KRT77: variants seen among roughly 807,000 people sequenced by gnomAD.
KRT77 encodes keratin 77, also known as keratin, type II cytoskeletal 1b.
A neutral mutation model predicts 51.5 loss-of-function variants in KRT77; 44 were observed. The observed-to-expected ratio is 0.85, with a 90% CI of 0.67 to 1.10. The LOEUF (loss-of-function observed/expected upper bound fraction) is 1.10. Ranked by LOEUF, KRT77 falls within the 50% of genes least tolerant of loss-of-function variation. KRT77 has a pLI of 0.00. For synonymous variants in KRT77, 293 were observed against 302.0 expected, an observed-to-expected ratio of 0.97 and a Z score of 0.31; for missense variants, 763 against 743.9, an observed-to-expected ratio of 1.03 and a Z score of -0.30.
At chr12:52,700,011 T>C (rs1941862375) in intron 1 of KRT77, among the ~76,000 whole-genome samples, 1 of 152,182 alleles carries the variant, frequency 6.6e-6, no homozygotes, top group Non-Finnish European at 1.5e-5. Context: ...GGTCCAAGGG[T>C]CAGCTGATCA....
intron 3 of KRT77, 83 bp downstream of exon 3, chr12:52,696,287 G>T: frequency 7.3e-7 from 1 of 1,369,832 alleles, no homozygotes; most frequent in Non-Finnish European, 1.0e-6. Context: ...CCCTGCCGTT[G>T]TCACAGAGCA....
intron 7 of KRT77, 98 bp from the exon 8 acceptor site, chr12:52,692,070 A>G: frequency 7.6e-7 from 1 of 1,318,992 alleles, no homozygotes; most frequent in Admixed American, 1.8e-5. Flanking sequence ...CCCAAGCCTT[A>G]GGGAAATGTG....
rs778477251 is a variant in KRT77 at position 52,692,420 on chromosome 12, C to T, written c.1427+1G>A. The T allele has an allele frequency of 6.2e-7, 1 of 1,613,964 alleles. No homozygotes were observed. Among genetic ancestry groups the T allele is most frequent in the African/African-American group, 1.3e-5 (1 of 75,040 alleles). On this transcript the variant is annotated splice_donor_variant, in intron 7 of 8. Transcript: ENST00000341809. LOFTEE classifies it high-confidence loss of function. ...CCCAGAAACACAGCTGCCAGACCCA[C>T]CTGCTCTCCTCGCCCTCCAGCAGCT...
intron 2 of KRT77, 146 bp downstream of exon 2, chr12:52,697,536 A>G: frequency 1.7e-6 from 1 of 604,888 alleles, no homozygotes; most frequent in Non-Finnish European, 3.0e-6. Context: ...GCCACATACA[A>G]AACAGTGCCT....
intron 3 of KRT77, 56 bp downstream of exon 3, chr12:52,696,314 C>T (rs1941794182): frequency 1.2e-5 from 19 of 1,543,920 alleles, no homozygotes; most frequent in East Asian, 2.2e-5. Context: ...AGGGATTCCT[C>T]ACTCCCCTCA....
Position 52,703,516 on chromosome 12 carries a change from G to T in KRT77, c.-82C>A. On this transcript the variant is annotated 5_prime_UTR_variant, in exon 1 of 9. Coordinates refer to ENST00000341809, the MANE Select transcript of KRT77 (RefSeq NM_175078.3). Reference sequence around the variant, plus strand: ...AGAGACCAGAGAGGAAAGGAGCTCTGACTCCTTTGAAAAGATCTGGCTCCG... The same window carrying T: ...AGAGACCAGAGAGGAAAGGAGCTCTTACTCCTTTGAAAAGATCTGGCTCCG... 8.2e-7 allele frequency: 1 copy of T among 1,217,758 alleles called. No homozygotes were observed. Among genetic ancestry groups the T allele is most frequent in the South Asian group, 1.6e-5 (1 of 62,332 alleles). The allele number at this position is 1,217,758 out of a possible 1,614,324, so 75.4% of individuals were successfully genotyped here.
Position 52,689,742 on chromosome 12 carries a change from C to G in KRT77, c.*1423G>C, listed in dbSNP as rs1218978113. On this transcript the variant is annotated 3_prime_UTR_variant, in exon 9 of 9. Coordinates refer to ENST00000341809, the MANE Select transcript of KRT77 (RefSeq NM_175078.3). ...AACAGCCTAAGAGACCCACACTGAG[C>G]CCATCCAATGCCCCAAGAGAATCAT... The G allele has an allele frequency of 6.6e-6, 1 of 152,162 alleles. No homozygotes were observed. Among genetic ancestry groups the G allele is most frequent in the African/African-American group, 2.4e-5 (1 of 41,420 alleles). 9.4% of individuals were successfully genotyped at this position (152,162 alleles called of 1,614,324 possible).
rs1416701658 is a variant in KRT77 at position 52,692,817 on chromosome 12, T to A, written c.1144A>T (p.Ile382Phe). 1.3e-5 allele frequency: 21 copies of A among 1,603,920 alleles called. 3 individuals are homozygous for A. Among genetic ancestry groups the A allele is most frequent in the South Asian group, 1.1e-5 (1 of 90,796 alleles). ...GDDLKNSKME[I>F]AELNRTVQRL... ...TGGACGGTGCGGTTGAGCTCTGCAA[T>A]CTCCATCTTGCTGTTCTTCAGGTCG... The change falls in exon 6 of 9, where the codon ATT (isoleucine) becomes TTT (phenylalanine). Residue 382 changes from isoleucine (I) to phenylalanine (F), a missense_variant. Ile to Phe is a conservative substitution (Grantham distance 21). Coordinates refer to ENST00000341809, the MANE Select transcript of KRT77 (RefSeq NM_175078.3).
In KRT77 at chr12:52,690,435, A is replaced by G. The variant is rs1396011953; in HGVS notation, c.*730T>C. On this transcript the variant is annotated 3_prime_UTR_variant, in exon 9 of 9. Coordinates refer to ENST00000341809, the MANE Select transcript of KRT77 (RefSeq NM_175078.3). Reference sequence around the variant, plus strand: ...GGGCAGCAAATCTATACTATCCATCAACATGAGTGTATGAGGCTATGGACC... The same window carrying G: ...GGGCAGCAAATCTATACTATCCATCGACATGAGTGTATGAGGCTATGGACC... The G allele has an allele frequency of 6.5e-6, 1 of 153,464 alleles. No homozygotes were observed. The highest frequency in any genetic ancestry group is 2.4e-5 in the African/African-American group (1 of 41,450). The allele number at this position is 153,464 out of a possible 1,614,324, so 9.5% of individuals were successfully genotyped here.
Position 52,695,731 on chromosome 12 carries a change from T to C in KRT77, c.915+41A>G, listed in dbSNP as rs775327148. ...CTTACAGCCCATACTCCTTGTGAGA[T>C]GTGAGAAAAGAAAGGAGGTTCTTAT... On this transcript the variant is annotated intron_variant, in intron 4 of 8. Transcript: ENST00000341809. The C allele has an allele frequency of 3.6e-6, 5 of 1,391,096 alleles. No homozygotes were observed. The Admixed American group carries it at 5.1e-5, about 14-fold the overall frequency. 86.2% of individuals were successfully genotyped at this position (1,391,096 alleles called of 1,614,324 possible).
rs201334604 is a variant in KRT77, at chr12:52,703,050, G to T, written c.385C>A (p.Pro129Thr). 12 of 1,613,762 alleles carry T rather than the reference G, an allele frequency of 7.4e-6. No homozygotes were observed. In the African/African-American group the frequency reaches 1.3e-4, roughly 18 times the overall value. ...TSNFGLGGFG[P>T]YCPPGGIQEV... ...TGGATGCCCCCAGGAGGACAATAAG[G>T]ACCAAAGCCCCCAAGCCCAAAATTG... is the stretch of plus-strand genomic sequence containing the variant. Residue 129 changes from proline to threonine, a missense_variant, in exon 1 of 9, where the codon CCT becomes ACT. By Grantham distance (38) the Pro-to-Thr change is conservative. Transcript: ENST00000341809.
At chr12:52,702,313 T>C (rs1284850270) in intron 1 of KRT77, among the ~76,000 whole-genome samples, 1 of 152,210 alleles carries the variant, frequency 6.6e-6, no homozygotes, top group Non-Finnish European at 1.5e-5. Flanking sequence ...TATCATAGAT[T>C]CTTAGAAAAT....
Position 52,703,195 on chromosome 12 carries a change from A to C in KRT77, c.240T>G (p.Ser80Arg), listed in dbSNP as rs1941911102. Residue 80 changes from serine (S) to arginine (R), a missense_variant, in exon 1 of 9, where the codon AGT (serine) becomes AGG (arginine). Physicochemically the swap from Ser to Arg is moderately radical, Grantham distance 110. Coordinates refer to ENST00000341809, the MANE Select transcript of KRT77 (RefSeq NM_175078.3). ...CTACTCCCCCACCCTGGCAGAAACC[A>C]CTGGTGCTCCTCCCCATTAGATTAA... ...ISINLMGRST[S>R]GFCQGGGVGG... 1 of 1,593,574 alleles carries C rather than the reference A, an allele frequency of 6.3e-7. No homozygotes were observed.
rs115736510 is a variant in KRT77 at position 52,702,808 on chromosome 12, G to A, written c.543+84C>T. 2.0e-3 allele frequency: 2,690 copies of A among 1,379,110 alleles called. 38 individuals are homozygous for A. In the African/African-American group the frequency reaches 0.033, roughly 17 times the overall value. The allele number at this position is 1,379,110 out of a possible 1,614,324, so 85.4% of individuals were successfully genotyped here. On this transcript the variant is annotated intron_variant, in intron 1 of 8. Transcript: ENST00000341809. ...GTCCCAGGTCAAGCTGAAACAGCAC[G>A]ATGTGGTGAGAGGTGGTAAGGTGTA...
rs954232102 is a variant in KRT77 at position 52,690,769 on chromosome 12, G to A, written c.*396C>T. On this transcript the variant is annotated 3_prime_UTR_variant, in exon 9 of 9. Transcript: ENST00000341809. ...TGCAGTGGCTTGAACTGGGGCATAAGGGCATTCTACTTGGAGGCAGAGGAA... is the reference window on the plus strand; with the variant it reads ...TGCAGTGGCTTGAACTGGGGCATAAAGGCATTCTACTTGGAGGCAGAGGAA... 1.1e-4 allele frequency: 39 copies of A among 342,992 alleles called. No individual in the cohort carries two copies. The highest frequency in any genetic ancestry group is 6.6e-5 in the African/African-American group (3 of 45,248). 21.2% of individuals were successfully genotyped at this position (342,992 alleles called of 1,614,324 possible). A position where few individuals can be genotyped will look rare whatever the true frequency, so the allele number is the denominator to read the frequency against.
chr12:52,697,542 T>C (rs1464042), intron 2 of KRT77, 140 bp downstream of exon 2: 333,225 of 547,694 alleles, frequency 0.61, 104,080 homozygotes, highest in African/African-American at 0.72. Context: ...TACAAAACAG[T>C]GCCTCCTGCA....
Position 52,697,581 on chromosome 12 carries a change from G to A in KRT77, c.758+101C>T, listed in dbSNP as rs188433523. The A allele has an allele frequency of 1.2e-3, 209 of 179,416 alleles. 1 individual carries two copies. In the East Asian group the frequency reaches 0.023, roughly 20 times the overall value. The allele number at this position is 179,416 out of a possible 1,614,324, so 11.1% of individuals were successfully genotyped here. On this transcript the variant is annotated intron_variant, in intron 2 of 8. Transcript: ENST00000341809. Reference sequence around the variant, plus strand: ...GTGCAGTGCAGAGCCTGCATGCCCCGCCCCCCACCCTTACACACAAACACT... The same window carrying A: ...GTGCAGTGCAGAGCCTGCATGCCCCACCCCCCACCCTTACACACAAACACT...
chr12:52,696,353 A>G lies in KRT77; in HGVS notation c.819+17T>C. On this transcript the variant is annotated intron_variant, in intron 3 of 8. Transcript: ENST00000341809. ...TCCTGGGTCCACAGCCACCCTCAGG[A>G]CTCCCCTTTCCCTCACCTTCTTCAG... is the stretch of plus-strand genomic sequence containing the variant. 3 of 1,613,168 alleles carry G rather than the reference A, an allele frequency of 1.9e-6. No homozygotes were observed. Among genetic ancestry groups the G allele is most frequent in the Non-Finnish European group, 2.5e-6 (3 of 1,179,438 alleles).
intron 2 of KRT77, among the ~76,000 whole-genome samples, chr12:52,697,032 C>T (rs1941803149): frequency 6.6e-6 from 1 of 152,196 alleles, no homozygotes; most frequent in South Asian, 2.1e-4. Flanking sequence ...TCGACAACTC[C>T]CGTCACCCCT....
Sources: gnomAD v4.1 joint callset for allele counts (sites outside exome capture counted in the v4.1 genomes callset) on GRCh38, gnomAD v4.1.1 for gene constraint, MANE v1.5 for transcripts, NCBI Gene and HGNC (gene_info 2026-07-23, HGNC 2026-07-21) for gene names.